The following DUSP16 variants were observed in gnomAD, a reference collection of about 807,000 sequenced individuals.
DUSP16 encodes the protein dual specificity phosphatase 16, also known as dual specificity protein phosphatase 16.
DUSP16 carries 21 observed loss-of-function variants against 58.3 expected under a neutral mutation model. The ratio of observed to expected loss-of-function variants is 0.36; its 90% CI spans 0.26 to 0.52. The LOEUF (loss-of-function observed/expected upper bound fraction) is 0.52, where lower values mean the gene tolerates loss of function less well. Among genes scored for constraint, DUSP16 ranks in the 20% least tolerant of loss-of-function variants. The pLI is 0.94. For missense variants in DUSP16, 726 were observed against 819.0 expected, an observed-to-expected ratio of 0.89 and a Z score of 1.39; for synonymous variants, 320 against 323.8, an observed-to-expected ratio of 0.99 and a Z score of 0.12.
chr12:12,535,572 C>G (rs986674285), intron 1 of DUSP16, among the ~76,000 whole-genome samples: 1 of 152,176 alleles, frequency 6.6e-6, no homozygotes, highest in African/African-American at 2.4e-5. Flanking sequence ...CAATTTCCCA[C>G]TCTAAAATAC....
chr12:12,529,427 G>C (rs1192277980), intron 1 of DUSP16, among the ~76,000 whole-genome samples: 1 of 152,070 alleles, frequency 6.6e-6, no homozygotes, highest in Non-Finnish European at 1.5e-5. Context: ...TTAAATTAAT[G>C]GATAAAACTG....
At chr12:12,528,125 C>T (rs1468113373) in intron 1 of DUSP16, among the ~76,000 whole-genome samples, 5 of 152,260 alleles carry the variant, frequency 3.3e-5, no homozygotes, top group Admixed American at 6.5e-5. Context: ...CTGTTTCACC[C>T]GCTTCCCCTT....
chr12:12,556,410 T>C (rs1218087352), intron 1 of DUSP16, among the ~76,000 whole-genome samples: 1 of 151,460 alleles, frequency 6.6e-6, no homozygotes, highest in Non-Finnish European at 1.5e-5. Flanking sequence ...ATAATAAAAA[T>C]AAATAATAAT....
chr12:12,487,494 C>T (rs1565983702), intron 4 of DUSP16, among the ~76,000 whole-genome samples: 4 of 152,092 alleles, frequency 2.6e-5, no homozygotes, highest in Admixed American at 2.0e-4. Flanking sequence ...CAAAAGAAAA[C>T]AACAGTTTAT....
intron 1 of DUSP16, among the ~76,000 whole-genome samples, chr12:12,537,082 G>C (rs1027597542): frequency 1.3e-5 from 2 of 152,136 alleles, no homozygotes; most frequent in African/African-American, 4.8e-5. Context: ...AAAATAGGTA[G>C]ACTCTGAAGG....
chr12:12,500,896 G>A (rs1025916773), intron 3 of DUSP16, among the ~76,000 whole-genome samples: 1 of 152,142 alleles, frequency 6.6e-6, no homozygotes, highest in African/African-American at 2.4e-5. Flanking sequence ...AAGTCCTGAA[G>A]GCACTTATAA....
At chr12:12,505,174 T>C (rs1482380106) in intron 3 of DUSP16, among the ~76,000 whole-genome samples, 2 of 152,162 alleles carry the variant, frequency 1.3e-5, no homozygotes, top group Non-Finnish European at 2.9e-5. Context: ...AATCACGTAA[T>C]ATAATAACCG....
chr12:12,479,468 G>A (rs185195806), intron 6 of DUSP16, among the ~76,000 whole-genome samples: 1 of 152,308 alleles, frequency 6.6e-6, no homozygotes, highest in East Asian at 1.9e-4. Flanking sequence ...CGGCATGAGA[G>A]CTCGTGCAGA....
At chr12:12,508,178 T>C (rs1041379810) in intron 3 of DUSP16, among the ~76,000 whole-genome samples, 1 of 152,220 alleles carries the variant, frequency 6.6e-6, no homozygotes, top group Non-Finnish European at 1.5e-5. Context: ...TTAATTGCTC[T>C]TAAGAGTAAT....
At chr12:12,561,381 C>G (rs1443583993) in intron 1 of DUSP16, among the ~76,000 whole-genome samples, 2 of 152,174 alleles carry the variant, frequency 1.3e-5, no homozygotes, top group Non-Finnish European at 2.9e-5. Flanking sequence ...TTCTCTGGTT[C>G]ATTATTGGTA....
At chr12:12,509,158 G>A (rs539035768) in intron 3 of DUSP16, among the ~76,000 whole-genome samples, 210 of 152,328 alleles carry the variant, frequency 1.4e-3, no homozygotes, top group Non-Finnish European at 2.1e-4. Context: ...AATACAGCCA[G>A]AATCTACCAC....
intron 1 of DUSP16, among the ~76,000 whole-genome samples, chr12:12,551,812 C>T (rs1001104226): frequency 3.3e-5 from 5 of 151,964 alleles, no homozygotes; most frequent in Non-Finnish European, 1.5e-5. Context: ...CCTGTCTCAG[C>T]CTCCCGAGTA....
chr12:12,482,857 C>T (rs1943598666), intron 5 of DUSP16, among the ~76,000 whole-genome samples: 7 of 152,132 alleles, frequency 4.6e-5, no homozygotes, highest in Non-Finnish European at 8.8e-5. Flanking sequence ...ACTACAGGTG[C>T]ACACCACCAT....
chr12:12,480,085 T>TA (rs959723495), intron 6 of DUSP16, 138 bp downstream of exon 6: 270 of 1,201,658 alleles, frequency 2.2e-4, no homozygotes, highest in Non-Finnish European at 2.9e-4. Flanking sequence ...ACAAGACCAT[T>TA]AAAAAATCCA....
intron 1 of DUSP16, among the ~76,000 whole-genome samples, chr12:12,526,961 T>C (rs1944316665): frequency 6.6e-6 from 1 of 152,096 alleles, no homozygotes; most frequent in Admixed American, 6.5e-5. Context: ...GGGGTCCCAC[T>C]CAGAGAGGCA....
chr12:12,537,926 AT>A (rs1204718694), intron 1 of DUSP16, among the ~76,000 whole-genome samples: 1 of 152,166 alleles, frequency 6.6e-6, no homozygotes, highest in East Asian at 1.9e-4. Flanking sequence ...ATATATATAT[AT>A]ATGTTCATTT....
At chr12:12,543,935 A>C (rs1007646594) in intron 1 of DUSP16, among the ~76,000 whole-genome samples, 1 of 151,600 alleles carries the variant, frequency 6.6e-6, no homozygotes, top group Non-Finnish European at 1.5e-5. Context: ...AAACTAATAC[A>C]ATCTTGTATG....
At chr12:12,483,478 G>C (rs1943616000) in intron 5 of DUSP16, among the ~76,000 whole-genome samples, 1 of 151,240 alleles carries the variant, frequency 6.6e-6, no homozygotes, top group African/African-American at 2.4e-5. Context: ...TCAGTTTCCA[G>C]ATCAAGAAAC....
intron 6 of DUSP16, among the ~76,000 whole-genome samples, chr12:12,478,907 C>T (rs1348949618): frequency 6.6e-6 from 1 of 152,240 alleles, no homozygotes; most frequent in Non-Finnish European, 1.5e-5. Context: ...GTGCTAAGCA[C>T]TGTGCTTATG....
Sources: gnomAD v4.1 joint callset for allele counts (sites outside exome capture counted in the v4.1 genomes callset) on GRCh38, gnomAD v4.1.1 for gene constraint, MANE v1.5 for transcripts, NCBI Gene and HGNC (gene_info 2026-07-23, HGNC 2026-07-21) for gene names.